Variants in FSTL4 observed in about 807,000 individuals in gnomAD.
The protein encoded by FSTL4 is follistatin-related protein 4.
In FSTL4, 28 loss-of-function variants were observed where a neutral mutation model predicts 78.2. The ratio of observed to expected loss-of-function variants is 0.36; its 90% CI spans 0.27 to 0.49. The LOEUF (loss-of-function observed/expected upper bound fraction) is 0.49, where lower values mean the gene tolerates loss of function less well. Ranked by LOEUF, FSTL4 falls within the 20% of genes least tolerant of loss-of-function variation. The pLI, the probability that FSTL4 is intolerant of heterozygous loss-of-function variation, is 0.98. For missense variants in FSTL4, 922 were observed against 1,084.9 expected (o/e 0.85, Z 2.11); for synonymous variants, 422 against 440.5 (o/e 0.96, Z 0.53).
At chr5:133,740,466 C>T in the FSTL4 span, among the ~76,000 whole-genome samples, 1 of 152,198 alleles carries the variant, frequency 6.6e-6, no homozygotes, top group East Asian at 1.9e-4. Context: ...CCCGCCCCCA[C>T]TCCTCACCGC....
At chr5:133,283,006 A>G (rs1217643039) in intron 6 of FSTL4, among the ~76,000 whole-genome samples, 1 of 152,126 alleles carries the variant, frequency 6.6e-6, no homozygotes, top group African/African-American at 2.4e-5. Context: ...AGGGGCATGG[A>G]ATGTCTGTTA....
At chr5:133,796,752 G>A in the FSTL4 span, among the ~76,000 whole-genome samples, 1 of 152,060 alleles carries the variant, frequency 6.6e-6, no homozygotes, top group Non-Finnish European at 1.5e-5. Flanking sequence ...AGGATAGGGG[G>A]CATGGTGGGC....
intron 3 of FSTL4, among the ~76,000 whole-genome samples, chr5:133,402,579 T>C (rs1169918972): frequency 6.7e-6 from 1 of 149,510 alleles, no homozygotes; most frequent in East Asian, 1.9e-4. Flanking sequence ...TTAAAATGTC[T>C]AAGCAAAAAA....
At chr5:133,639,605 C>T in the FSTL4 span, among the ~76,000 whole-genome samples, 106 of 152,236 alleles carry the variant, frequency 7.0e-4, 1 homozygote, top group Middle Eastern at 3.4e-3. Context: ...GGGCAGAATC[C>T]CCAGAAGAGG....
rs753311649 is a variant in FSTL4, at chr5:133,316,561, G to T, written c.501C>A (p.Ser167Arg). 3 of 1,614,008 alleles carry T rather than the reference G, an allele frequency of 1.9e-6. No individual in the cohort carries two copies. Among genetic ancestry groups the T allele is most frequent in the East Asian group, 2.2e-5 (1 of 44,880 alleles). The change falls in exon 5 of 16, where the codon AGC (serine) becomes AGA (arginine). Residue 167 changes from serine (S) to arginine (R), a missense_variant. By Grantham distance (110) the Ser-to-Arg change is moderately radical. Coordinates refer to ENST00000265342, the MANE Select transcript of FSTL4 (RefSeq NM_015082.2). ...TRLQPLQEGD[S>R]RQDPASQKRL... ...GCTTCTGGGAGGCAGGGTCTTGTCT[G>T]CTGTCTCCTTCTTGGAGTGGCTGCA...
At chr5:133,241,136 T>G (rs1751860388) in intron 7 of FSTL4, among the ~76,000 whole-genome samples, 1 of 152,250 alleles carries the variant, frequency 6.6e-6, no homozygotes, top group Non-Finnish European at 1.5e-5. Context: ...GAACAGAGAT[T>G]CCACGTTTAG....
At chr5:133,613,541 AAG>A (rs1761148786), upstream of FSTL4, among the ~76,000 whole-genome samples, 1 of 152,326 alleles carries the variant, frequency 6.6e-6, no homozygotes, top group South Asian at 2.1e-4. Flanking sequence ...GACCTGAAGA[AAG>A]AGATATTACG....
intron 6 of FSTL4, chr5:133,252,045 C>A (rs1208468051): frequency 3.9e-5 from 6 of 152,342 alleles, no homozygotes; most frequent in African/African-American, 1.4e-4. Flanking sequence ...CCTGGACACT[C>A]AGAAGCCAGC....
chr5:133,252,665 T>C (rs9327649), intron 6 of FSTL4, among the ~76,000 whole-genome samples: 143,258 of 152,140 alleles, frequency 0.94, 67,478 homozygotes, highest in East Asian at 1. Flanking sequence ...GGGCTCTAGA[T>C]ACAAGGCTAG....
intron 4 of FSTL4, among the ~76,000 whole-genome samples, chr5:133,342,193 C>A (rs1341494112): frequency 6.6e-6 from 1 of 152,066 alleles, no homozygotes; most frequent in Non-Finnish European, 1.5e-5. Flanking sequence ...CAGGGAATGG[C>A]AGCATTGGCA....
intron 3 of FSTL4, among the ~76,000 whole-genome samples, chr5:133,459,508 A>T (rs956878693): frequency 2.0e-5 from 3 of 152,224 alleles, no homozygotes; most frequent in Non-Finnish European, 4.4e-5. Context: ...ATGTTTTTTT[A>T]AAAATTGTTT....
intron 4 of FSTL4, among the ~76,000 whole-genome samples, chr5:133,328,491 G>A (rs1042884367): frequency 3.3e-5 from 5 of 152,174 alleles, no homozygotes; most frequent in African/African-American, 1.2e-4. Context: ...CTGTCAGGTG[G>A]CCCCAGAGTG....
Position 133,199,664 on chromosome 5 carries a change from C to G in FSTL4, c.1960G>C (p.Gly654Arg), listed in dbSNP as rs185850111. 2 of 1,614,162 alleles carry G rather than the reference C, an allele frequency of 1.2e-6. No individual in the cohort carries two copies. Among genetic ancestry groups the G allele is most frequent in the Non-Finnish European group, 1.7e-6 (2 of 1,180,036 alleles). ...TGTCGGCACTGGATGAAGAAGTAGC[C>G]GCCCAGGTGGGTGTGTGCCATGGCC... ...PQAMAHTHLGGYFFIQCRQDS... is the reference protein window; with the variant it reads ...PQAMAHTHLGRYFFIQCRQDS... Residue 654 changes from glycine to arginine, a missense_variant, in exon 16 of 16, where the codon GGC becomes CGC. Physicochemically the swap from Gly to Arg is moderately radical, Grantham distance 125. Transcript: ENST00000265342. This position sits in a 1 kb window ranked among gnomAD's most constrained non-coding sequence, Gnocchi z 4.4.
the FSTL4 span, among the ~76,000 whole-genome samples, chr5:133,736,743 A>G: frequency 6.6e-6 from 1 of 152,146 alleles, no homozygotes; most frequent in Non-Finnish European, 1.5e-5. Flanking sequence ...CAGCCCCTCA[A>G]CTGCATTGCA....
chr5:133,777,121 G>A, the FSTL4 span, among the ~76,000 whole-genome samples: 280 of 152,250 alleles, frequency 1.8e-3, no homozygotes, highest in African/African-American at 6.1e-3. Context: ...AGGTGGAAGA[G>A]TTCCTAGGCA....
chr5:133,365,960 T>C (rs1320698637), intron 4 of FSTL4, among the ~76,000 whole-genome samples: 3 of 152,168 alleles, frequency 2.0e-5, no homozygotes, highest in Non-Finnish European at 4.4e-5. Flanking sequence ...TCAGCCCTTC[T>C]TCCACCCCTT....
intron 6 of FSTL4, among the ~76,000 whole-genome samples, chr5:133,299,468 G>A (rs558703467): frequency 2.6e-5 from 4 of 152,142 alleles, no homozygotes; most frequent in East Asian, 1.9e-4. Context: ...ACCAGGCGGC[G>A]GCTGGCAGGT....
intron 2 of FSTL4, among the ~76,000 whole-genome samples, chr5:133,596,875 G>A (rs986656980): frequency 3.3e-5 from 5 of 152,296 alleles, no homozygotes; most frequent in Admixed American, 1.3e-4. Context: ...AGTAAAACAA[G>A]GCTGATTTTT....
intron 3 of FSTL4, among the ~76,000 whole-genome samples, chr5:133,401,485 G>C (rs72805039): frequency 0.045 from 6,802 of 152,244 alleles, 171 homozygotes; most frequent in South Asian, 0.075. Context: ...CCCCCTGCCT[G>C]CAATACGTTT....
Sources: gnomAD v4.1 joint callset for allele counts (sites outside exome capture counted in the v4.1 genomes callset) on GRCh38, gnomAD v4.1.1 for gene constraint, Gnocchi (gnomAD v3.1) non-coding constraint, MANE v1.5 for transcripts, NCBI Gene and HGNC (gene_info 2026-07-23, HGNC 2026-07-21) for gene names.